Variants in NEK11 observed in about 807,000 individuals in gnomAD.
NEK11 encodes serine/threonine-protein kinase Nek11.
In NEK11, 72 loss-of-function variants were observed where a neutral mutation model predicts 80.7. That is an observed-to-expected ratio of 0.89 (90% CI 0.74 to 1.08). The LOEUF is 1.08. Ranked by LOEUF, NEK11 falls within the 50% of genes least tolerant of loss-of-function variation. NEK11 has a pLI of 0.00. For synonymous variants in NEK11, 251 were observed against 260.7 expected (o/e 0.96, Z 0.36); for missense variants, 764 against 763.6 (o/e 1.00, Z -0.01).
At chr3:131,254,298 G>A (rs1011603605) in intron 16 of NEK11, among the ~76,000 whole-genome samples, 1 of 152,154 alleles carries the variant, frequency 6.6e-6, no homozygotes. Context: ...TGAAATCTCT[G>A]TGAGACTAGC....
At chr3:131,317,018 T>G (rs1393606929) in intron 17 of NEK11, among the ~76,000 whole-genome samples, 1 of 152,214 alleles carries the variant, frequency 6.6e-6, no homozygotes, top group Non-Finnish European at 1.5e-5. Context: ...AAAGTTGAGA[T>G]GCTTGCAAGC....
intron 14 of NEK11, among the ~76,000 whole-genome samples, chr3:131,180,680 C>T (rs2093296329): frequency 6.6e-6 from 1 of 152,168 alleles, no homozygotes; most frequent in African/African-American, 2.4e-5. Flanking sequence ...TTGTACTTTA[C>T]AGAATCAAAG....
chr3:131,289,189 C>T (rs1458414229), intron 17 of NEK11, among the ~76,000 whole-genome samples: 1 of 152,160 alleles, frequency 6.6e-6, no homozygotes, highest in African/African-American at 2.4e-5. Context: ...TTTCAGTGTT[C>T]TCATATGTCC....
chr3:131,140,296 C>T (rs963652257), intron 7 of NEK11, among the ~76,000 whole-genome samples: 25 of 152,056 alleles, frequency 1.6e-4, no homozygotes, highest in African/African-American at 5.6e-4. Flanking sequence ...CATTGAGAGA[C>T]CAACATGGAG....
At chr3:131,340,224 G>C (rs191023754) in intron 17 of NEK11, among the ~76,000 whole-genome samples, 69 of 152,280 alleles carry the variant, frequency 4.5e-4, no homozygotes, top group African/African-American at 9.4e-4. Flanking sequence ...GTATGAGTGG[G>C]GGACATTGGG....
chr3:131,264,293 C>T (rs1040183001), intron 16 of NEK11, among the ~76,000 whole-genome samples: 11 of 152,194 alleles, frequency 7.2e-5, no homozygotes, highest in South Asian at 2.1e-4. Context: ...TGCCCATGCC[C>T]ATGTCCTGAA....
At chr3:131,340,846 T>G (rs2097272876) in intron 17 of NEK11, among the ~76,000 whole-genome samples, 1 of 152,108 alleles carries the variant, frequency 6.6e-6, no homozygotes, top group Admixed American at 6.5e-5. Flanking sequence ...AAATGATGTT[T>G]GACAATCCCT....
intron 17 of NEK11, among the ~76,000 whole-genome samples, chr3:131,309,054 C>A (rs1453106510): frequency 6.6e-6 from 1 of 152,210 alleles, no homozygotes; most frequent in East Asian, 1.9e-4. Flanking sequence ...CTGCTGCTCA[C>A]CTCCTGCTGT....
At chr3:131,098,969 G>A (rs887767612) in intron 4 of NEK11, among the ~76,000 whole-genome samples, 1 of 152,002 alleles carries the variant, frequency 6.6e-6, no homozygotes, top group Admixed American at 6.6e-5. Context: ...CTGTGCAGAT[G>A]CTCTTTCATT....
chr3:131,111,175 C>T (rs1413330663), intron 5 of NEK11, among the ~76,000 whole-genome samples: 1 of 151,728 alleles, frequency 6.6e-6, no homozygotes, highest in African/African-American at 2.4e-5. Flanking sequence ...ATTTAAGAAC[C>T]CAAATATTTT....
intron 12 of NEK11, among the ~76,000 whole-genome samples, chr3:131,168,506 G>T (rs909987121): frequency 1.3e-5 from 2 of 150,794 alleles, no homozygotes; most frequent in Non-Finnish European, 3.0e-5. Flanking sequence ...ACAGGCGCCC[G>T]CCACTACGCC....
intron 7 of NEK11, among the ~76,000 whole-genome samples, chr3:131,134,503 C>A (rs1045965589): frequency 6.6e-6 from 1 of 151,766 alleles, no homozygotes; most frequent in African/African-American, 2.4e-5. Flanking sequence ...TGGGTTCAAG[C>A]GATTCTCCTG....
intron 4 of NEK11, among the ~76,000 whole-genome samples, chr3:131,095,350 A>G (rs868792425): frequency 1.4e-4 from 22 of 152,060 alleles, no homozygotes; most frequent in African/African-American, 5.3e-4. Flanking sequence ...CTTTCCATGA[A>G]TCCCCTCAAA....
intron 4 of NEK11, among the ~76,000 whole-genome samples, chr3:131,091,407 A>G (rs569186634): frequency 2.2e-4 from 34 of 152,272 alleles, no homozygotes; most frequent in Admixed American, 9.8e-4. Flanking sequence ...GGCACTTAAT[A>G]TCAATGCAGG....
At chr3:131,274,577 A>C (rs2096260211) in intron 17 of NEK11, among the ~76,000 whole-genome samples, 1 of 146,944 alleles carries the variant, frequency 6.8e-6, no homozygotes, top group Non-Finnish European at 1.5e-5. Context: ...TCCCACCAAC[A>C]GTGTAAAAGT....
chr3:131,043,508 A>G (rs1006768782), intron 3 of NEK11, among the ~76,000 whole-genome samples: 10 of 152,260 alleles, frequency 6.6e-5, no homozygotes, highest in Admixed American at 4.6e-4. Flanking sequence ...GGAAGAAAGT[A>G]TATCAGTGAT....
chr3:131,123,408 G>A (rs916801926), intron 5 of NEK11, among the ~76,000 whole-genome samples: 3 of 151,970 alleles, frequency 2.0e-5, no homozygotes, highest in Admixed American at 6.6e-5. Flanking sequence ...CTTGTGATCT[G>A]CCTGCCTCGG....
chr3:131,247,229 C>G (rs2095617350), intron 16 of NEK11, among the ~76,000 whole-genome samples: 1 of 152,008 alleles, frequency 6.6e-6, no homozygotes, highest in Admixed American at 6.6e-5. Flanking sequence ...CTGATGTTAT[C>G]TTCTAGAATC....
At chr3:131,205,487 T>C (rs1265043900) in intron 14 of NEK11, among the ~76,000 whole-genome samples, 2 of 152,174 alleles carry the variant, frequency 1.3e-5, no homozygotes, top group Admixed American at 6.5e-5. Flanking sequence ...CCCTGTTTGA[T>C]CCCTTTACCA....
Sources: allele counts gnomAD v4.1 joint callset (sites outside exome capture counted in the v4.1 genomes callset), GRCh38; gene constraint gnomAD v4.1.1; transcripts MANE v1.5; gene names NCBI Gene and HGNC (gene_info 2026-07-23, HGNC 2026-07-21).